Variants in LONRF1 observed in about 807,000 individuals in gnomAD.
LONRF1 encodes the protein LON peptidase N-terminal domain and ring finger 1, also known as LON peptidase N-terminal domain and RING finger protein 1.
In LONRF1, 37 loss-of-function variants were observed where a neutral mutation model predicts 85.8. The ratio of observed to expected loss-of-function variants is 0.43; its 90% CI spans 0.33 to 0.57. The LOEUF is 0.57. Among genes scored for constraint, LONRF1 ranks in the 20% least tolerant of loss-of-function variants. The pLI, the probability that LONRF1 is intolerant of heterozygous loss-of-function variation, is 0.04. For synonymous variants in LONRF1, 517 were observed against 390.1 expected, an observed-to-expected ratio of 1.33 and a Z score of -3.83; for missense variants, 1,036 against 978.0, an observed-to-expected ratio of 1.06 and a Z score of -0.79.
chr8:12,730,991 A>T (rs1798507265), intron 8 of LONRF1, among the ~76,000 whole-genome samples: 1 of 152,252 alleles, frequency 6.6e-6, no homozygotes, highest in Admixed American at 6.5e-5. Flanking sequence ...AGAGTAAAAG[A>T]AATAAAGAAA....
rs902174596 is a variant in LONRF1 at position 12,722,734 on chromosome 8, G to A, written c.*362C>T. The A allele has an allele frequency of 1.9e-5, 3 of 157,936 alleles. No individual in the cohort carries two copies. Among genetic ancestry groups the A allele is most frequent in the African/African-American group, 7.2e-5 (3 of 41,562 alleles). 9.8% of individuals were successfully genotyped at this position (157,936 alleles called of 1,614,324 possible). On this transcript the variant is annotated 3_prime_UTR_variant, in exon 12 of 12. Transcript: ENST00000398246. The stretch of plus-strand genomic sequence containing the variant: ...TGTTTGTTTGTTTTAAAATTTTAAA[G>A]CCAGAGAAAATACACACACACTACC...
At chr8:12,735,233 A>C (rs1798673789) in intron 7 of LONRF1, 53 bp downstream of exon 7, 2 of 1,196,112 alleles carry the variant, frequency 1.7e-6, no homozygotes, top group Non-Finnish European at 2.4e-6. Context: ...ACAGAAATTA[A>C]ACCATGCTGC....
chr8:12,740,821 C>A, intron 3 of LONRF1, 53 bp downstream of exon 3: 1 of 1,546,138 alleles, frequency 6.5e-7, no homozygotes, highest in Non-Finnish European at 8.7e-7. Flanking sequence ...TTTTTTTAAA[C>A]CTGTCTGCCT....
rs115576361 is a variant in LONRF1 at position 12,744,400 on chromosome 8, G to C, written c.722-1118C>G. On this transcript the variant is annotated intron_variant, in intron 1 of 11. Transcript: ENST00000398246. ...AATATTTTATAAAAATGTTTTACTTGTTAAAAAAAGACATGTCTAGAATAT... is the reference window on the plus strand; with the variant it reads ...AATATTTTATAAAAATGTTTTACTTCTTAAAAAAAGACATGTCTAGAATAT... 7.4e-3 allele frequency among the ~76,000 whole-genome samples: 1,127 copies of C among 152,048 alleles called. 10 individuals carry two copies. Among genetic ancestry groups the C allele is most frequent in the African/African-American group, 0.026 (1,087 of 41,484 alleles).
At chr8:12,746,411 G>A (rs947783727) in intron 1 of LONRF1, among the ~76,000 whole-genome samples, 1 of 152,046 alleles carries the variant, frequency 6.6e-6, no homozygotes, top group Non-Finnish European at 1.5e-5. Flanking sequence ...TTCCTGTGCT[G>A]AGCTCCTCCC....
chr8:12,747,054 T>A (rs1799188214), intron 1 of LONRF1, among the ~76,000 whole-genome samples: 1 of 152,232 alleles, frequency 6.6e-6, no homozygotes, highest in Non-Finnish European at 1.5e-5. Context: ...CCTTTTATCC[T>A]CAGATCCTGG....
At chr8:12,741,105 C>G in intron 2 of LONRF1, 109 bp from the exon 3 acceptor site, 1 of 1,202,428 alleles carries the variant, frequency 8.3e-7, no homozygotes, top group African/African-American at 1.5e-5. Context: ...GATTCTGGGC[C>G]GGGTGCAGTA....
At position 12,723,102 on chromosome 8, in the gene LONRF1, A is replaced by C; in HGVS notation, c.2316T>G (p.Ser772=). The C allele has an allele frequency of 6.2e-7, 1 of 1,610,526 alleles. No homozygotes were observed. The highest frequency in any genetic ancestry group is 8.5e-7 in the Non-Finnish European group (1 of 1,178,340). The change falls in exon 12 of 12, where the codon TCT becomes TCG. Residue 772 remains serine (S), a synonymous_variant. Transcript: ENST00000398246. ...GGGAGATCCAAAGAGTTAGTTACTT[A>C]GATTGGTCTCTAGAAAAATAGGTCA... ...HILTYFSRDQ[S]K is the part of the protein sequence containing the mutation.
intron 1 of LONRF1, among the ~76,000 whole-genome samples, chr8:12,748,807 A>ATTTTT (rs58300554): frequency 0.011 from 1,578 of 146,332 alleles, 25 homozygotes; most frequent in Middle Eastern, 0.025. Flanking sequence ...CAGAATATCA[A>ATTTTT]TTTTTTTTTT....
chr8:12,743,718 G>A lies in LONRF1; in HGVS notation c.722-436C>T, dbSNP rs188518469. Reference sequence around the variant, plus strand: ...GCCATACGTGTAACTATTACATATGGAATTCCCACGGTGACAAGGGACTGA... The same window carrying A: ...GCCATACGTGTAACTATTACATATGAAATTCCCACGGTGACAAGGGACTGA... On this transcript the variant is annotated intron_variant, in intron 1 of 11. Transcript: ENST00000398246. Among the ~76,000 whole-genome samples, 8 of 152,088 alleles carry A rather than the reference G, an allele frequency of 5.3e-5. No individual in the cohort carries two copies. In the East Asian group the frequency reaches 9.6e-4, roughly 18 times the overall value.
intron 10 of LONRF1, among the ~76,000 whole-genome samples, chr8:12,727,760 T>C (rs567235947): frequency 6.6e-6 from 1 of 152,274 alleles, no homozygotes; most frequent in South Asian, 2.1e-4. Context: ...ACAGATTCTA[T>C]CAATCAACTC....
In LONRF1 at chr8:12,723,201, T is replaced by G. The variant is rs763802754; in HGVS notation, c.2217A>C (p.Val739=). The G allele has an allele frequency of 1.2e-4, 188 of 1,614,016 alleles. No individual in the cohort carries two copies. Among genetic ancestry groups the G allele is most frequent in the Non-Finnish European group, 1.5e-4 (178 of 1,180,016 alleles). The change falls in exon 12 of 12, where the codon GTA becomes GTC. Residue 739 remains valine, a synonymous_variant. Coordinates refer to ENST00000398246, the MANE Select transcript of LONRF1 (RefSeq NM_152271.5). Reference sequence around the variant, plus strand: ...AAACCGACAGCTGGTATCGTGGGTCTACAGGGAGAACTGCAAGAAGCCACC... The same window carrying G: ...AAACCGACAGCTGGTATCGTGGGTCGACAGGGAGAACTGCAAGAAGCCACC... ...WCWWLLAVLP[V]DPRYQLSVLS... is the part of the protein sequence containing the mutation.
chr8:12,734,873 G>A (rs1798659311), intron 7 of LONRF1, among the ~76,000 whole-genome samples: 1 of 152,080 alleles, frequency 6.6e-6, no homozygotes, highest in Non-Finnish European at 1.5e-5. Flanking sequence ...TTCCATCAAT[G>A]CAGAAAATTC....
rs1192517483 is a variant in LONRF1 at position 12,754,939 on chromosome 8, C to T, written c.482G>A (p.Arg161Gln). 7.4e-6 allele frequency: 11 copies of T among 1,488,794 alleles called. No homozygotes were observed. In the East Asian group the frequency reaches 1.1e-4, roughly 15 times the overall value. 92.2% of individuals were successfully genotyped at this position (1,488,794 alleles called of 1,614,324 possible). A position where few individuals can be genotyped will look rare whatever the true frequency, so the allele number is the denominator to read the frequency against. Residue 161 changes from arginine to glutamine, a missense_variant, in exon 1 of 12, where the codon CGG (arginine) becomes CAG (glutamine). Transcript: ENST00000398246. ...LRARCRLCRD[R>Q]LPPATASATD... ...GGCACTGGCGGTGGCGGGCGGCAGC[C>T]GGTCCCGGCAGAGGCGGCAGCGGGC...
At chr8:12,741,122 G>A (rs1798918124) in intron 2 of LONRF1, 126 bp from the exon 3 acceptor site, 12 of 946,132 alleles carry the variant, frequency 1.3e-5, no homozygotes, top group South Asian at 4.7e-5. Flanking sequence ...AGTAGCTCAC[G>A]CCTGTAATCC....
chr8:12,751,296 G>GTTTTTTTTTT (rs869038024), intron 1 of LONRF1, among the ~76,000 whole-genome samples: 28 of 69,556 alleles, frequency 4.0e-4, no homozygotes, highest in South Asian at 6.2e-4. Context: ...TTATTTTTAT[G>GTTTTTTTTTT]TTTTTTTTTT....
chr8:12,752,132 T>C (rs945054668), intron 1 of LONRF1, among the ~76,000 whole-genome samples: 1 of 152,232 alleles, frequency 6.6e-6, no homozygotes, highest in Admixed American at 6.5e-5. Flanking sequence ...TGTTTCATTA[T>C]AAGAATTATA....
At chr8:12,730,371 T>G (rs957120623) in intron 8 of LONRF1, among the ~76,000 whole-genome samples, 2 of 152,228 alleles carry the variant, frequency 1.3e-5, no homozygotes, top group African/African-American at 4.8e-5. Context: ...TCCCTTTGAG[T>G]TGCAGATTAT....
intron 6 of LONRF1, 41 bp downstream of exon 6, chr8:12,736,660 A>AT: frequency 1.0e-5 from 13 of 1,288,128 alleles, no homozygotes; most frequent in Non-Finnish European, 1.3e-5. Flanking sequence ...TATGTATACT[A>AT]ACATAAAATA....
Sources: gnomAD v4.1 joint callset for allele counts (sites outside exome capture counted in the v4.1 genomes callset) on GRCh38, gnomAD v4.1.1 for gene constraint, MANE v1.5 for transcripts, NCBI Gene and HGNC (gene_info 2026-07-23, HGNC 2026-07-21) for gene names.